The following WWOX variants were observed in gnomAD, a reference collection of about 807,000 sequenced individuals.
The protein encoded by WWOX is WW domain-containing oxidoreductase.
A neutral mutation model predicts 46.2 loss-of-function variants in WWOX; 69 were observed. That is an observed-to-expected ratio of 1.49 (90% CI 1.23 to 1.82). The LOEUF (loss-of-function observed/expected upper bound fraction) is 1.82, where lower values mean the gene tolerates loss of function less well. WWOX is among the 40% of genes most tolerant of loss of function. The pLI, the probability that WWOX is intolerant of heterozygous loss-of-function variation, is 0.00. For missense variants in WWOX, 919 were observed against 542.6 expected, an observed-to-expected ratio of 1.69 and a Z score of -6.89; for synonymous variants, 359 against 202.6, an observed-to-expected ratio of 1.77 and a Z score of -6.56.
intron 5 of WWOX, among the ~76,000 whole-genome samples, chr16:78,363,054 C>T (rs1196782835): frequency 6.6e-6 from 1 of 151,956 alleles, no homozygotes; most frequent in Non-Finnish European, 1.5e-5. Flanking sequence ...ACAGTGGTAC[C>T]CACACCCGTA....
chr16:78,844,686 A>G (rs982811458), intron 8 of WWOX, among the ~76,000 whole-genome samples: 7 of 152,194 alleles, frequency 4.6e-5, no homozygotes, highest in Admixed American at 2.0e-4. Flanking sequence ...CTTTTTAAAG[A>G]AAGATTTTGC....
intron 8 of WWOX, among the ~76,000 whole-genome samples, chr16:78,578,277 TATA>T (rs1567657366): frequency 1.3e-4 from 6 of 45,552 alleles, no homozygotes; most frequent in South Asian, 7.6e-4. Context: ...TATATATATA[TATA>T]TATATTTTTT....
At chr16:78,583,800 C>A (rs1236097600) in intron 8 of WWOX, among the ~76,000 whole-genome samples, 1 of 152,212 alleles carries the variant, frequency 6.6e-6, no homozygotes, top group South Asian at 2.1e-4. Context: ...CTTTTAAATG[C>A]TCTTTCTGAA....
At chr16:78,354,599 T>G (rs987122096) in intron 5 of WWOX, among the ~76,000 whole-genome samples, 1 of 152,176 alleles carries the variant, frequency 6.6e-6, no homozygotes, top group Non-Finnish European at 1.5e-5. Context: ...AAAGGCTTTT[T>G]ATCACATTTT....
At chr16:78,758,412 A>G (rs774885806) in intron 8 of WWOX, among the ~76,000 whole-genome samples, 1 of 152,214 alleles carries the variant, frequency 6.6e-6, no homozygotes, top group Non-Finnish European at 1.5e-5. Flanking sequence ...CACCAAAATT[A>G]TTTAATGCAG....
chr16:78,993,030 CT>C (rs1005819173), intron 8 of WWOX, among the ~76,000 whole-genome samples: 6 of 151,932 alleles, frequency 3.9e-5, no homozygotes, highest in African/African-American at 1.2e-4. Flanking sequence ...GCATTTTAGG[CT>C]TTTTTTCATA....
At chr16:78,980,297 C>G (rs1237268378) in intron 8 of WWOX, among the ~76,000 whole-genome samples, 1 of 152,148 alleles carries the variant, frequency 6.6e-6, no homozygotes, top group Non-Finnish European at 1.5e-5. Context: ...GGTAGTTTGC[C>G]AAAGATGGCT....
chr16:78,610,594 C>G (rs2045878018), intron 8 of WWOX, among the ~76,000 whole-genome samples: 1 of 152,078 alleles, frequency 6.6e-6, no homozygotes, highest in African/African-American at 2.4e-5. Context: ...ATTGACTAGT[C>G]TCTCTGTGTG....
At chr16:79,100,422 C>A (rs542822705) in intron 8 of WWOX, among the ~76,000 whole-genome samples, 2 of 152,228 alleles carry the variant, frequency 1.3e-5, no homozygotes, top group African/African-American at 2.4e-5. Flanking sequence ...GGGTTTGTAT[C>A]TTTAAGTGGC....
intron 8 of WWOX, among the ~76,000 whole-genome samples, chr16:78,481,270 A>AAAGCAGC (rs1567598108): frequency 6.6e-6 from 1 of 152,190 alleles, no homozygotes; most frequent in East Asian, 1.9e-4. Context: ...AAGACAGTTC[A>AAAGCAGC]AAGCAGCTTG....
chr16:78,172,366 A>G (rs1252367451), intron 5 of WWOX, among the ~76,000 whole-genome samples: 1 of 152,166 alleles, frequency 6.6e-6, no homozygotes, highest in Non-Finnish European at 1.5e-5. Flanking sequence ...CTTTCTTGTC[A>G]CAGGCTCAGG....
chr16:78,952,860 G>A (rs1443044027), intron 8 of WWOX, among the ~76,000 whole-genome samples: 3 of 152,216 alleles, frequency 2.0e-5, no homozygotes, highest in Admixed American at 2.0e-4. Context: ...GCGCTTTAGA[G>A]GCACTTGCTC....
chr16:78,739,614 C>G (rs570409774), intron 8 of WWOX, among the ~76,000 whole-genome samples: 1 of 152,078 alleles, frequency 6.6e-6, no homozygotes, highest in African/African-American at 2.4e-5. Context: ...AGTTCAAGAC[C>G]AGCCTGGCTA....
rs1567494414 is a variant in WWOX, at chr16:78,314,687, G to GT, written c.517-72173_517-72172insT. Among the ~76,000 whole-genome samples, 301 of 92,014 alleles carry GT rather than the reference G, an allele frequency of 3.3e-3. 1 individual carries two copies. Among genetic ancestry groups the GT allele is most frequent in the African/African-American group, 0.016 (258 of 16,416 alleles). 60.4% of individuals were successfully genotyped at this position (92,014 alleles called of 152,430 possible). On this transcript the variant is annotated intron_variant, in intron 5 of 8. Transcript: ENST00000566780. Reference sequence around the variant, plus strand: ...CTACAGGCACACCCCACCCTGCAGGGGTTTTTTTTTTTTGTTTTTTTTTTT... The same window carrying GT: ...CTACAGGCACACCCCACCCTGCAGGGTGTTTTTTTTTTTTGTTTTTTTTTTT...
intron 8 of WWOX, among the ~76,000 whole-genome samples, chr16:78,683,988 G>T (rs1158888080): frequency 6.6e-6 from 1 of 152,190 alleles, no homozygotes; most frequent in African/African-American, 2.4e-5. Context: ...CTGCACAACT[G>T]TGGCGTTCTC....
At chr16:78,928,913 A>G (rs1483766983) in intron 8 of WWOX, among the ~76,000 whole-genome samples, 4 of 152,218 alleles carry the variant, frequency 2.6e-5, no homozygotes, top group African/African-American at 4.8e-5. Context: ...TCCCCTAACA[A>G]TAACAACAAC....
chr16:78,684,692 C>A (rs1355803024), intron 8 of WWOX, among the ~76,000 whole-genome samples: 1 of 152,134 alleles, frequency 6.6e-6, no homozygotes, highest in Admixed American at 6.6e-5. Flanking sequence ...TATCTTCTTC[C>A]AGGTTAATCT....
chr16:78,648,915 C>A (rs2046904966), intron 8 of WWOX, among the ~76,000 whole-genome samples: 1 of 152,042 alleles, frequency 6.6e-6, no homozygotes, highest in African/African-American at 2.4e-5. Flanking sequence ...TAATTTTTTC[C>A]CACATGGCTT....
intron 8 of WWOX, among the ~76,000 whole-genome samples, chr16:78,862,689 G>C (rs8047591): frequency 0.31 from 47,620 of 151,894 alleles, 7,651 homozygotes; most frequent in Middle Eastern, 0.46. Context: ...CCAAGGGCAG[G>C]AGAAGCTGAT....
Sources: gnomAD v4.1 joint callset for allele counts (sites outside exome capture counted in the v4.1 genomes callset) on GRCh38, gnomAD v4.1.1 for gene constraint, MANE v1.5 for transcripts, NCBI Gene and HGNC (gene_info 2026-07-23, HGNC 2026-07-21) for gene names.